Variants in TEX14 observed in about 807,000 individuals in gnomAD.
TEX14 encodes testis expressed 14, intercellular bridge forming factor, also known as inactive serine/threonine-protein kinase TEX14.
In TEX14, 168 loss-of-function variants were observed where a neutral mutation model predicts 178.6. The observed-to-expected ratio is 0.94, with a 90% CI of 0.83 to 1.07. TEX14 has a LOEUF of 1.07. Ranked by LOEUF, TEX14 falls within the 50% of genes least tolerant of loss-of-function variation. The probability of loss-of-function intolerance (pLI) is 0.00; values close to 1 mark genes in which losing one functional copy is unlikely to be tolerated. For synonymous variants in TEX14, 626 were observed against 634.1 expected, an observed-to-expected ratio of 0.99 and a Z score of 0.19; for missense variants, 1,730 against 1,753.6, an observed-to-expected ratio of 0.99 and a Z score of 0.24.
intron 23 of TEX14, among the ~76,000 whole-genome samples, chr17:58,572,458 C>G (rs1209393784): frequency 1.3e-5 from 2 of 152,096 alleles, no homozygotes; most frequent in Non-Finnish European, 2.9e-5. Flanking sequence ...CGGTGAAACC[C>G]TGTCTCTACT....
Position 58,613,449 on chromosome 17 carries a change from C to T in TEX14, c.977G>A (p.Gly326Asp), listed in dbSNP as rs1771348505. The T allele has an allele frequency of 1.2e-6, 2 of 1,613,910 alleles. No individual in the cohort carries two copies. Among genetic ancestry groups the T allele is most frequent in the Admixed American group, 3.3e-5 (2 of 59,982 alleles). The change falls in exon 9 of 32, where the codon GGC becomes GAC. Residue 326 changes from glycine (G) to aspartate (D), a missense_variant. Around this residue, in one of 2 missense-constraint regions of TEX14, gnomAD observed 789 missense variants for 681.2 expected, o/e 1.16. Transcript: ENST00000349033. The stretch of plus-strand genomic sequence containing the variant: ...TTCATGAAGGACACTGAACAATGTG[C>T]CGATAGTGATGCGCTCGTACACAAG... ...TRLVYERITI[G>D]TLFSVLHERR...
At chr17:58,669,963 A>G (rs1453409493) in intron 1 of TEX14, among the ~76,000 whole-genome samples, 1 of 152,100 alleles carries the variant, frequency 6.6e-6, no homozygotes, top group African/African-American at 2.4e-5. Flanking sequence ...GGCTGGCTCC[A>G]TAGCTTTTCC....
In TEX14 at chr17:58,599,161, A is replaced by G. The variant is rs758080664; in HGVS notation, c.2184T>C (p.Ser728=). ...NMSTTEEYLI[S]KCVLDLKIMQ... is the part of the protein sequence containing the mutation. ...TAATCTTTAGATCCAGCACACACTT[A>G]CTGATGAGATACTCCTCAGTCGTGG... The change falls in exon 14 of 32, where the codon AGT becomes AGC. Residue 728 remains serine (S), a synonymous_variant. Transcript: ENST00000349033. The G allele has an allele frequency of 1.3e-5, 21 of 1,614,096 alleles. 2 individuals are homozygous for G. In the South Asian group the frequency reaches 2.2e-4, roughly 17 times the overall value.
At chr17:58,655,303 CCT>C (rs2143291576) in intron 1 of TEX14, among the ~76,000 whole-genome samples, 1 of 152,158 alleles carries the variant, frequency 6.6e-6, no homozygotes, top group Non-Finnish European at 1.5e-5. Flanking sequence ...CCTGCCTCAG[CCT>C]CCCGAGTAGC....
rs2047606458 is a variant in TEX14, at chr17:58,686,864, T to A, written c.-2+5075A>T. Among the ~76,000 whole-genome samples the A allele has an allele frequency of 7.8e-5, 3 of 38,472 alleles. No homozygotes were observed. In the East Asian group the frequency reaches 1.7e-3, roughly 22 times the overall value. 25.2% of individuals were successfully genotyped at this position (38,472 alleles called of 152,430 possible). ...CCACTTGAACATGAAAGGTCACCTT[T>A]TTTTTTTTTTTTTTTTTTTTTTTTT... is the stretch of plus-strand genomic sequence containing the variant. On this transcript the variant is annotated intron_variant, in intron 1 of 31. Transcript: ENST00000349033.
At chr17:58,616,355 G>C in intron 6 of TEX14, 50 bp from the exon 7 acceptor site, 2 of 1,589,952 alleles carry the variant, frequency 1.3e-6, no homozygotes, top group Non-Finnish European at 1.7e-6. Flanking sequence ...GGGAAAAGCA[G>C]AATACATCCA....
At chr17:58,650,009 G>C (rs1316669625) in intron 2 of TEX14, among the ~76,000 whole-genome samples, 3 of 151,868 alleles carry the variant, frequency 2.0e-5, no homozygotes, top group Admixed American at 6.6e-5. Flanking sequence ...CAAAGTGCTG[G>C]GATTACAGGC....
chr17:58,573,072 C>A, intron 23 of TEX14, 109 bp downstream of exon 23: 1 of 1,469,286 alleles, frequency 6.8e-7, no homozygotes, highest in Non-Finnish European at 9.2e-7. Context: ...AAAACCTTTG[C>A]ACTATGACAA....
chr17:58,562,401 T>C (rs1187811239), intron 28 of TEX14, among the ~76,000 whole-genome samples: 1 of 152,248 alleles, frequency 6.6e-6, no homozygotes, highest in African/African-American at 2.4e-5. Context: ...CTGAGATGAC[T>C]GAGCATCTGT....
At chr17:58,592,174 GA>G (rs1402400520) in intron 15 of TEX14, among the ~76,000 whole-genome samples, 5 of 149,450 alleles carry the variant, frequency 3.3e-5, no homozygotes, top group Non-Finnish European at 7.4e-5. Flanking sequence ...TTTAAAAATT[GA>G]AAAAAAATTC....
chr17:58,683,941 T>C (rs1285156061), intron 1 of TEX14, among the ~76,000 whole-genome samples: 6 of 140,442 alleles, frequency 4.3e-5, no homozygotes, highest in East Asian at 4.4e-4. Context: ...GGTGCATCCC[T>C]GTCATCCCAG....
At chr17:58,689,063 T>C (rs2047649033) in intron 1 of TEX14, among the ~76,000 whole-genome samples, 2 of 152,008 alleles carry the variant, frequency 1.3e-5, no homozygotes, top group Admixed American at 1.3e-4. Flanking sequence ...CCCAAGTAGC[T>C]GGGACTACAG....
chr17:58,598,424 C>T (rs2045345495), intron 14 of TEX14, among the ~76,000 whole-genome samples: 1 of 152,036 alleles, frequency 6.6e-6, no homozygotes, highest in Non-Finnish European at 1.5e-5. Context: ...AGATTAATAC[C>T]TATCCAAGAT....
At chr17:58,669,466 C>G (rs1168728564) in intron 1 of TEX14, among the ~76,000 whole-genome samples, 1 of 151,964 alleles carries the variant, frequency 6.6e-6, no homozygotes, top group African/African-American at 2.4e-5. Flanking sequence ...GGCGTGGTGG[C>G]TCACGCCTGT....
intron 27 of TEX14, 21 bp from the exon 28 acceptor site, chr17:58,564,989 T>C: frequency 2.7e-6 from 4 of 1,478,414 alleles, no homozygotes; most frequent in Non-Finnish European, 3.7e-6. Context: ...TTGAAAGAAT[T>C]AACTTTATTA....
At chr17:58,660,368 T>C (rs534339851) in intron 1 of TEX14, 17 of 291,824 alleles carry the variant, frequency 5.8e-5, no homozygotes, top group Admixed American at 5.5e-4. Context: ...GCCATTGCAC[T>C]CTAACCTGGG....
At chr17:58,666,584 G>C (rs1032490029) in intron 1 of TEX14, 3 of 150,328 alleles carry the variant, frequency 2.0e-5, no homozygotes, top group Non-Finnish European at 2.9e-5. Flanking sequence ...ATTATACACT[G>C]TAGTTACCCA....
intron 2 of TEX14, among the ~76,000 whole-genome samples, chr17:58,646,741 C>T (rs1203364070): frequency 6.6e-6 from 1 of 152,160 alleles, no homozygotes; most frequent in African/African-American, 2.4e-5. Flanking sequence ...TGTGTGCTGA[C>T]TTCACTTCCT....
intron 1 of TEX14, among the ~76,000 whole-genome samples, chr17:58,667,703 G>T (rs1473971472): frequency 1.3e-5 from 2 of 152,066 alleles, no homozygotes; most frequent in Non-Finnish European, 2.9e-5. Flanking sequence ...TGGCCAACAT[G>T]GTGAAACCCT....
Sources: allele counts gnomAD v4.1 joint callset (sites outside exome capture counted in the v4.1 genomes callset), GRCh38; gene constraint gnomAD v4.1.1; regional missense constraint gnomAD v4.1.1; transcripts MANE v1.5; gene names NCBI Gene and HGNC (gene_info 2026-07-23, HGNC 2026-07-21).